Variants in FAT1 observed in about 807,000 individuals in gnomAD.
FAT1 encodes protocadherin Fat 1.
A neutral mutation model predicts 329.8 loss-of-function variants in FAT1; 171 were observed. That is an observed-to-expected ratio of 0.52 (90% CI 0.46 to 0.59). The LOEUF (loss-of-function observed/expected upper bound fraction) is 0.59. FAT1 is among the 20% of genes least tolerant of loss of function. FAT1 has a pLI of 0.00. For synonymous variants in FAT1, 2,233 were observed against 2,228.6 expected (o/e 1.00, Z -0.06); for missense variants, 5,672 against 5,774.4 (o/e 0.98, Z 0.57).
rs1738757759 is a variant in FAT1 at position 186,600,438 on chromosome 4, G to A, written c.11641-78C>T. 4.0e-6 allele frequency: 5 copies of A among 1,264,358 alleles called. No individual in the cohort carries two copies. The South Asian group carries it at 7.3e-5, about 18-fold the overall frequency. 78.3% of individuals were successfully genotyped at this position (1,264,358 alleles called of 1,614,324 possible). Reference sequence around the variant, plus strand: ...AGCACCTGATCACAAATCTACAGGAGAGGGCTTAGGGAGTGAGGGTAGAAG... The same window carrying A: ...AGCACCTGATCACAAATCTACAGGAAAGGGCTTAGGGAGTGAGGGTAGAAG... On this transcript the variant is annotated intron_variant, in intron 21 of 26. Coordinates refer to ENST00000441802, the MANE Select transcript of FAT1 (RefSeq NM_005245.4).
chr4:186,663,278 T>G (rs1035527755), intron 3 of FAT1, 21 bp downstream of exon 3: 4 of 1,564,692 alleles, frequency 2.6e-6, no homozygotes, highest in Admixed American at 3.6e-5. Context: ...AAACATTTCC[T>G]ATAGCAGTAT....
chr4:186,702,792 T>C (rs1296109593), intron 2 of FAT1, among the ~76,000 whole-genome samples: 1 of 152,076 alleles, frequency 6.6e-6, no homozygotes, highest in Admixed American at 6.5e-5. Flanking sequence ...CTGTTGAAGC[T>C]TACAACAAAG....
chr4:186,695,226 G>A (rs565831107), intron 2 of FAT1, among the ~76,000 whole-genome samples: 1 of 152,148 alleles, frequency 6.6e-6, no homozygotes, highest in Non-Finnish European at 1.5e-5. Flanking sequence ...TAAAACAAAA[G>A]AAATACTTTT....
intron 26 of FAT1, among the ~76,000 whole-genome samples, chr4:186,592,456 T>G (rs1329335910): frequency 7.7e-6 from 1 of 130,126 alleles, no homozygotes; most frequent in South Asian, 2.4e-4. Flanking sequence ...AGATAAGCTC[T>G]CCAGATCTCA....
chr4:186,623,603 G>C (rs1740151171), intron 9 of FAT1, among the ~76,000 whole-genome samples: 1 of 152,228 alleles, frequency 6.6e-6, no homozygotes. Flanking sequence ...GAGGAACGAA[G>C]AGACTATCTG....
intron 2 of FAT1, among the ~76,000 whole-genome samples, chr4:186,697,249 G>A (rs899368837): frequency 4.6e-5 from 7 of 152,126 alleles, no homozygotes; most frequent in African/African-American, 7.2e-5. Flanking sequence ...TGGACAACAC[G>A]AGTTTGAACT....
At chr4:186,715,578 A>C (rs1484274867) in intron 1 of FAT1, among the ~76,000 whole-genome samples, 1 of 152,228 alleles carries the variant, frequency 6.6e-6, no homozygotes, top group Admixed American at 6.5e-5. Context: ...ATGCAAAACA[A>C]ACAGTAAAGC....
At position 186,636,684 on chromosome 4, in the gene FAT1, G is replaced by C. The variant is rs768773369; in HGVS notation, c.3873C>G (p.Ile1291Met). ...ATTTGCCATGCTCATTCCCGTCTTC[G>C]ATGCTGTAGGAGATTTCTGCATTGG... ...EGPNAEISYS[I>M]EDGNEHGKFF... The change falls in exon 5 of 27, where the codon ATC becomes ATG. Residue 1291 changes from isoleucine (I) to methionine (M), a missense_variant. By Grantham distance (10) the Ile-to-Met change is conservative. This residue lies in a region of FAT1 where 3,966 missense variants were observed against 3,915.2 expected (regional missense o/e 1.01). Transcript: ENST00000441802. The C allele has an allele frequency of 6.2e-7, 1 of 1,613,672 alleles. No individual in the cohort carries two copies. The highest frequency in any genetic ancestry group is 8.5e-7 in the Non-Finnish European group (1 of 1,179,856).
intron 2 of FAT1, among the ~76,000 whole-genome samples, chr4:186,688,532 A>G (rs866678582): frequency 7.9e-5 from 12 of 152,246 alleles, no homozygotes; most frequent in Middle Eastern, 3.4e-3. Flanking sequence ...TAGGGTTCCA[A>G]GCAAGACAAT....
intron 10 of FAT1, 129 bp from the exon 11 acceptor site, chr4:186,617,330 A>T (rs1237725644): frequency 1.4e-6 from 1 of 709,084 alleles, no homozygotes; most frequent in East Asian, 2.9e-5. Context: ...AAAAGAATTA[A>T]TTTGGCATAT....
chr4:186,589,801 G>A (rs1245706645), intron 26 of FAT1, among the ~76,000 whole-genome samples: 3 of 152,060 alleles, frequency 2.0e-5, no homozygotes, highest in African/African-American at 7.2e-5. Flanking sequence ...CGAAGTGCTG[G>A]GATTACAGGT....
chr4:186,680,943 T>G (rs932533388), intron 2 of FAT1, among the ~76,000 whole-genome samples: 6 of 152,144 alleles, frequency 3.9e-5, no homozygotes, highest in Admixed American at 3.9e-4. Context: ...TGATACTATC[T>G]CAGAGTTAAT....
chr4:186,592,668 C>A (rs1228389825), intron 26 of FAT1: 1 of 456,364 alleles, frequency 2.2e-6, no homozygotes, highest in African/African-American at 2.0e-5. Flanking sequence ...GACACAGACA[C>A]AAGCACGAGC....
chr4:186,719,685 G>A (rs752220525), intron 1 of FAT1, among the ~76,000 whole-genome samples: 15 of 152,334 alleles, frequency 9.8e-5, no homozygotes, highest in Non-Finnish European at 1.9e-4. Context: ...TCGACTCTAT[G>A]TATTCGAGAA....
In FAT1 at chr4:186,603,806, C is replaced by T. The variant is rs767643023; in HGVS notation, c.10720G>A (p.Val3574Met). ...AGACTGTAGGTTAGAGTATCATACA[C>T]GTCCTGGTCTGTGGCATGGATCTTC... ...IGKIHATDQD[V>M]YDTLTYSLDP... The change falls in exon 19 of 27, where the codon GTG (valine) becomes ATG (methionine). Residue 3574 changes from valine to methionine, a missense_variant. By Grantham distance (21) the Val-to-Met change is conservative. Coordinates refer to ENST00000441802, the MANE Select transcript of FAT1 (RefSeq NM_005245.4). 44 of 1,613,804 alleles carry T rather than the reference C, an allele frequency of 2.7e-5. No individual in the cohort carries two copies. The highest frequency in any genetic ancestry group is 1.5e-4 in the South Asian group (14 of 91,080).
At chr4:186,631,093 G>C (rs529340854) in intron 7 of FAT1, among the ~76,000 whole-genome samples, 3 of 152,122 alleles carry the variant, frequency 2.0e-5, no homozygotes, top group African/African-American at 7.2e-5. Context: ...ACTCACCAAC[G>C]GCTCACCTAA....
Position 186,617,696 on chromosome 4 carries a change from A to G in FAT1, c.8878+12T>C. Reference sequence around the variant, plus strand: ...TAAATTAATTAAACCGTTTGGTATGAATTTTTTTTACCTGTTATGAAATAT... The same window carrying G: ...TAAATTAATTAAACCGTTTGGTATGGATTTTTTTTACCTGTTATGAAATAT... On this transcript the variant is annotated intron_variant, in intron 10 of 26. Coordinates refer to ENST00000441802, the MANE Select transcript of FAT1 (RefSeq NM_005245.4). 1 of 1,537,352 alleles carries G rather than the reference A, an allele frequency of 6.5e-7. No individual in the cohort carries two copies. The highest frequency in any genetic ancestry group is 1.3e-5 in the South Asian group (1 of 77,902).
At chr4:186,675,044 A>G (rs1742891011) in intron 2 of FAT1, among the ~76,000 whole-genome samples, 1 of 152,152 alleles carries the variant, frequency 6.6e-6, no homozygotes, top group Non-Finnish European at 1.5e-5. Context: ...AAAAACAAAA[A>G]CAAAAACAAA....
chr4:186,601,131 G>T, intron 21 of FAT1, 138 bp downstream of exon 21: 1 of 767,264 alleles, frequency 1.3e-6, no homozygotes, highest in Non-Finnish European at 2.0e-6. Flanking sequence ...ACTTGTACAG[G>T]CATCAATGAA....
Sources: gnomAD v4.1 joint callset for allele counts (sites outside exome capture counted in the v4.1 genomes callset) on GRCh38, gnomAD v4.1.1 for gene constraint, gnomAD v4.1.1 regional missense constraint, MANE v1.5 for transcripts, NCBI Gene and HGNC (gene_info 2026-07-23, HGNC 2026-07-21) for gene names.